FBLN1: variants seen among roughly 807,000 people sequenced by gnomAD.
FBLN1 encodes the protein fibulin-1.
Under a neutral mutation model 89.7 loss-of-function variants are expected in FBLN1, and 34 were observed. The ratio of observed to expected loss-of-function variants is 0.38; its 90% CI spans 0.29 to 0.50. The LOEUF (loss-of-function observed/expected upper bound fraction) is 0.50, where lower values mean the gene tolerates loss of function less well. FBLN1 is among the 20% of genes least tolerant of loss of function. The pLI, the probability that FBLN1 is intolerant of heterozygous loss-of-function variation, is 0.92. For missense variants in FBLN1, 777 were observed against 988.1 expected (o/e 0.79, Z 2.86); for synonymous variants, 393 against 391.3 (o/e 1.00, Z -0.05).
chr22:45,527,046 A>G (rs2088338754), intron 3 of FBLN1, among the ~76,000 whole-genome samples: 1 of 152,126 alleles, frequency 6.6e-6, no homozygotes, highest in Non-Finnish European at 1.5e-5. Context: ...TGCTCCCTAC[A>G]CTTTCTGGCA....
intron 14 of FBLN1, among the ~76,000 whole-genome samples, chr22:45,554,829 A>G (rs933182976): frequency 2.0e-5 from 3 of 152,218 alleles, no homozygotes; most frequent in African/African-American, 7.2e-5. Flanking sequence ...TTCAGTACAC[A>G]GGAGACGACC....
intron 8 of FBLN1, among the ~76,000 whole-genome samples, chr22:45,539,563 C>G (rs2088528323): frequency 6.6e-6 from 1 of 152,130 alleles, no homozygotes; most frequent in Non-Finnish European, 1.5e-5. Context: ...CCTGGCTGAC[C>G]TTGCCTGGGG....
chr22:45,591,230 G>C (rs968420224), intron 16 of FBLN1, among the ~76,000 whole-genome samples: 1 of 152,156 alleles, frequency 6.6e-6, no homozygotes, highest in Admixed American at 6.5e-5. Flanking sequence ...ACCACACAGA[G>C]CCAAATTTTC....
chr22:45,506,729 G>A (rs1427476176), intron 1 of FBLN1, among the ~76,000 whole-genome samples: 6 of 152,274 alleles, frequency 3.9e-5, no homozygotes, highest in Non-Finnish European at 7.4e-5. Context: ...GTTCCTTCCA[G>A]TTCCACCCCC....
rs2089123308 is a variant in FBLN1, at chr22:45,590,105, A to G, written c.1973-10202A>G. Among the ~76,000 whole-genome samples the G allele has an allele frequency of 6.6e-6, 1 of 152,174 alleles. No individual in the cohort carries two copies. The highest frequency in any genetic ancestry group is 2.1e-4 in the South Asian group (1 of 4,828). On this transcript the variant is annotated intron_variant, in intron 16 of 16. Transcript: ENST00000327858. This position sits in a 1 kb window ranked among gnomAD's most constrained non-coding sequence, Gnocchi z 4.1. ...AACCCCAGCACCCAGCACTGCAGCC[A>G]CCCACAGCAAGTGCTCTGTGCTTGT...
rs1315057133 is a variant in FBLN1 at position 45,581,729 on chromosome 22, C to T, written c.1972+4621C>T. ...AGGGGAGGCTTCCTGGAAGAGGTCA[C>T]ACACATTCTGGGTCTTGAGGCTGAG... On this transcript the variant is annotated intron_variant, in intron 16 of 16. Coordinates refer to ENST00000327858, the MANE Select transcript of FBLN1 (RefSeq NM_006486.3). This position sits in a 1 kb window ranked among gnomAD's most constrained non-coding sequence, Gnocchi z 7.6. Among the ~76,000 whole-genome samples, 2 of 152,008 alleles carry T rather than the reference C, an allele frequency of 1.3e-5. No individual in the cohort carries two copies. The highest frequency in any genetic ancestry group is 4.8e-5 in the African/African-American group (2 of 41,392).
rs9614715 is a variant in FBLN1, at chr22:45,580,783, G to C, written c.1972+3675G>C. Among the ~76,000 whole-genome samples the C allele has an allele frequency of 0.033, 5,009 of 152,202 alleles. 122 individuals carry two copies. Among genetic ancestry groups the C allele is most frequent in the Non-Finnish European group, 0.046 (3,113 of 68,000 alleles). ...GCTCGCCGTGTTCAGTCCTCCCAGA[G>C]TAACAGAAGAAGAGGGAGAAATGCC... is the stretch of plus-strand genomic sequence containing the variant. On this transcript the variant is annotated intron_variant, in intron 16 of 16. Transcript: ENST00000327858. This position sits in a 1 kb window ranked among gnomAD's most constrained non-coding sequence, Gnocchi z 8.6.
At chr22:45,511,577 G>T (rs780837734) in intron 1 of FBLN1, among the ~76,000 whole-genome samples, 5 of 151,856 alleles carry the variant, frequency 3.3e-5, no homozygotes, top group Non-Finnish European at 5.9e-5. Flanking sequence ...CTCCTGAGTA[G>T]CTGGGATTTC....
chr22:45,522,916 A>C (rs1266731690), intron 2 of FBLN1, among the ~76,000 whole-genome samples: 1 of 152,208 alleles, frequency 6.6e-6, no homozygotes, highest in Non-Finnish European at 1.5e-5. Context: ...AGTGGGGATC[A>C]ATCGGTGAAC....
At chr22:45,509,058 G>A (rs1489568744) in intron 1 of FBLN1, among the ~76,000 whole-genome samples, 2 of 152,204 alleles carry the variant, frequency 1.3e-5, no homozygotes, top group African/African-American at 4.8e-5. Context: ...GCATGAACAA[G>A]CTGGCCTGAG....
In FBLN1 at chr22:45,574,523, G is replaced by A. The variant is rs775069289; in HGVS notation, c.1710G>A (p.Glu570=). The change falls in exon 15 of 17, where the codon GAG becomes GAA. Residue 570 remains glutamate, a synonymous_variant. Coordinates refer to ENST00000327858, the MANE Select transcript of FBLN1 (RefSeq NM_006486.3). The surrounding 1 kb of genome is among the most constrained non-coding windows in gnomAD (Gnocchi z 4.1). ...TGGTTCCCCTCAGGCTCCAGCAGGA[G>A]AAGACAGACACGGTCCGCTGCATCA... is the stretch of plus-strand genomic sequence containing the variant. ...YRRSAATLQQ[E]KTDTVRCIKS... The A allele has an allele frequency of 3.1e-6, 5 of 1,614,034 alleles. No homozygotes were observed. The East Asian group carries it at 6.7e-5, about 22-fold the overall frequency.
Position 45,579,709 on chromosome 22 carries a change from G to C in FBLN1, c.1972+2601G>C, listed in dbSNP as rs1008663513. Among the ~76,000 whole-genome samples the C allele has an allele frequency of 6.6e-6, 1 of 152,192 alleles. No individual in the cohort carries two copies. The highest frequency in any genetic ancestry group is 1.5e-5 in the Non-Finnish European group (1 of 68,022). On this transcript the variant is annotated intron_variant, in intron 16 of 16. Transcript: ENST00000327858. The surrounding 1 kb of genome is among the most constrained non-coding windows in gnomAD (Gnocchi z 5.5). ...ACCAGGGAGGCAAGCCCTGCGTGTTGGGACCTAGGCTGCATTGCTGGCTGG... is the reference window on the plus strand; with the variant it reads ...ACCAGGGAGGCAAGCCCTGCGTGTTCGGACCTAGGCTGCATTGCTGGCTGG...
At chr22:45,534,006 G>A in intron 7 of FBLN1, 108 bp downstream of exon 7, 1 of 1,479,624 alleles carries the variant, frequency 6.8e-7, no homozygotes, top group Admixed American at 1.7e-5. Context: ...CGCCCTCTGT[G>A]GCTGCCTGGG....
chr22:45,533,945 A>G, intron 7 of FBLN1, 47 bp downstream of exon 7: 2 of 1,611,276 alleles, frequency 1.2e-6, no homozygotes, highest in South Asian at 1.1e-5. Flanking sequence ...CCAGGCGTAG[A>G]TACGGCGCGG....
intron 16 of FBLN1, among the ~76,000 whole-genome samples, chr22:45,584,551 T>C (rs1158124243): frequency 6.6e-6 from 1 of 152,208 alleles, no homozygotes; most frequent in Non-Finnish European, 1.5e-5. Context: ...GCAAATTTCA[T>C]AACCTGTCTG....
intron 7 of FBLN1, 101 bp downstream of exon 7, chr22:45,533,999 C>G: frequency 2.0e-6 from 3 of 1,526,402 alleles, no homozygotes; most frequent in Non-Finnish European, 2.7e-6. Context: ...AGTCCTGCGC[C>G]CTCTGTGGCT....
Position 45,578,665 on chromosome 22 carries a change from AC to A in FBLN1, c.1972+1560del, listed in dbSNP as rs762609066. 1.6e-4 allele frequency among the ~76,000 whole-genome samples: 25 copies of A among 152,072 alleles called. No individual in the cohort carries two copies. The highest frequency in any genetic ancestry group is 3.2e-4 in the Non-Finnish European group (22 of 67,992). ...GTCCCACTGGGTGGGTGGGGTATGC[AC>A]CCTGACACTGGCCCACAGCCGCCCC... is the stretch of plus-strand genomic sequence containing the variant. On this transcript the variant is annotated intron_variant, in intron 16 of 16. Transcript: ENST00000327858. The surrounding 1 kb of genome is among the most constrained non-coding windows in gnomAD (Gnocchi z 4.6).
At position 45,575,031 on chromosome 22, in the gene FBLN1, C is replaced by T. The variant is rs2088984217; in HGVS notation, c.1840+378C>T. Among the ~76,000 whole-genome samples, 2 of 152,272 alleles carry T rather than the reference C, an allele frequency of 1.3e-5. No homozygotes were observed. Among genetic ancestry groups the T allele is most frequent in the East Asian group, 1.9e-4 (1 of 5,168 alleles). On this transcript the variant is annotated intron_variant, in intron 15 of 16. Coordinates refer to ENST00000327858, the MANE Select transcript of FBLN1 (RefSeq NM_006486.3). This position sits in a 1 kb window ranked among gnomAD's most constrained non-coding sequence, Gnocchi z 6.3. ...TCTCCTGACCTCATGATCCACCCGC[C>T]TCAGCCTCCCAAAGTGCTGGGATTA...
rs923655944 is a variant in FBLN1 at position 45,563,370 on chromosome 22, G to T, written c.1698-11141G>T. 1 of 1,562,272 alleles carries T rather than the reference G, an allele frequency of 6.4e-7. No homozygotes were observed. The highest frequency in any genetic ancestry group is 1.4e-5 in the African/African-American group (1 of 73,934). ...AAGCGTCCCACACAGTGAGCCTCGC[G>T]TGCCTTGGTTTTATTTGGCATGGTT... On this transcript the variant is annotated intron_variant, in intron 14 of 16. Coordinates refer to ENST00000327858, the MANE Select transcript of FBLN1 (RefSeq NM_006486.3). The surrounding 1 kb of genome is among the most constrained non-coding windows in gnomAD (Gnocchi z 5.7).
Sources: gnomAD v4.1 joint callset for allele counts (sites outside exome capture counted in the v4.1 genomes callset) on GRCh38, gnomAD v4.1.1 for gene constraint, Gnocchi (gnomAD v3.1) non-coding constraint, MANE v1.5 for transcripts, NCBI Gene and HGNC (gene_info 2026-07-23, HGNC 2026-07-21) for gene names.